Variants in SH3BP1 observed in about 807,000 individuals in gnomAD.
The protein encoded by SH3BP1 is SH3 domain-binding protein 1.
A neutral mutation model predicts 69.8 loss-of-function variants in SH3BP1; 46 were observed. The ratio of observed to expected loss-of-function variants is 0.66; its 90% CI spans 0.52 to 0.84. SH3BP1 has a LOEUF of 0.84. Ranked by LOEUF, SH3BP1 falls within the 40% of genes least tolerant of loss-of-function variation. The pLI is 0.00. For missense variants in SH3BP1, 868 were observed against 930.9 expected (o/e 0.93, Z 0.88); for synonymous variants, 403 against 378.0 (o/e 1.07, Z -0.77).
chr22:37,654,304 C>G (rs1932954296), intron 17 of SH3BP1, among the ~76,000 whole-genome samples: 1 of 152,136 alleles, frequency 6.6e-6, no homozygotes, highest in Admixed American at 6.5e-5. Flanking sequence ...GGCACAGTGG[C>G]TCACACATGT....
intron 10 of SH3BP1, among the ~76,000 whole-genome samples, chr22:37,645,724 G>A (rs1932775999): frequency 6.6e-6 from 1 of 152,164 alleles, no homozygotes; most frequent in Non-Finnish European, 1.5e-5. Flanking sequence ...TTGCATTCCA[G>A]GCTCCATTTC....
intron 15 of SH3BP1, 71 bp downstream of exon 15, chr22:37,650,320 C>A: frequency 6.5e-7 from 1 of 1,532,282 alleles, no homozygotes; most frequent in South Asian, 1.2e-5. Flanking sequence ...CCTGTAGCCC[C>A]ACAAACTCAC....
chr22:37,641,598 C>T lies in SH3BP1; in HGVS notation c.207+120C>T. On this transcript the variant is annotated intron_variant, in intron 3 of 17. Transcript: ENST00000649765. The stretch of plus-strand genomic sequence containing the variant: ...GTGTCTGGCACCAAGGGCATGGAGA[C>T]TGCTCTGTTCCAAGGCCCCTCTGGC... 5.0e-6 allele frequency: 4 copies of T among 807,900 alleles called. No homozygotes were observed. In the South Asian group the frequency reaches 5.3e-5, roughly 11 times the overall value. The allele number at this position is 807,900 out of a possible 1,614,324, so 50.0% of individuals were successfully genotyped here.
At chr22:37,642,280 G>A in intron 3 of SH3BP1, 1 of 499,752 alleles carries the variant, frequency 2.0e-6, no homozygotes, top group Non-Finnish European at 3.7e-6. Context: ...TTCCCAGTCT[G>A]CAGTAGGACT....
At chr22:37,653,438 G>GA (rs1169017247) in intron 16 of SH3BP1, among the ~76,000 whole-genome samples, 2 of 151,856 alleles carry the variant, frequency 1.3e-5, no homozygotes, top group South Asian at 2.1e-4. Context: ...TCCATCTCAA[G>GA]AAAAAAAACC....
At chr22:37,642,832 CA>C in intron 4 of SH3BP1, 62 bp from the exon 5 acceptor site, 1 of 1,592,274 alleles carries the variant, frequency 6.3e-7, no homozygotes, top group South Asian at 1.1e-5. Context: ...GAGGCCCCAC[CA>C]AGTGTTTCCA....
chr22:37,647,596 G>A, intron 13 of SH3BP1, 75 bp downstream of exon 13: 1 of 1,210,046 alleles, frequency 8.3e-7, no homozygotes. Context: ...GGGACCCTGG[G>A]CTTGAGCCTG....
chr22:37,647,312 C>T lies in SH3BP1; in HGVS notation c.1082C>T (p.Thr361Ile). 2 of 1,614,098 alleles carry T rather than the reference C, an allele frequency of 1.2e-6. No individual in the cohort carries two copies. The highest frequency in any genetic ancestry group is 1.7e-6 in the Non-Finnish European group (2 of 1,179,988). Residue 361 changes from threonine (T) to isoleucine (I), a missense_variant, in exon 12 of 18, where the codon ACC becomes ATC. By Grantham distance (89) the Thr-to-Ile change is moderately conservative. This residue lies in a region of SH3BP1 where 474 missense variants were observed against 462.3 expected (regional missense o/e 1.03). Transcript: ENST00000649765. Reference sequence around the variant, plus strand: ...CGGGAGCTGCCAGAGCCTCTGATGACCTTCGACCTCTATGATGACTGGATG... The same window carrying T: ...CGGGAGCTGCCAGAGCCTCTGATGATCTTCGACCTCTATGATGACTGGATG... ...YLRELPEPLM[T>I]FDLYDDWMRA...
At chr22:37,645,729 C>T (rs1932776099) in intron 10 of SH3BP1, among the ~76,000 whole-genome samples, 1 of 152,164 alleles carries the variant, frequency 6.6e-6, no homozygotes, top group Non-Finnish European at 1.5e-5. Context: ...TTCCAGGCTC[C>T]ATTTCACAAT....
At chr22:37,641,622 G>C (rs1403226349) in intron 3 of SH3BP1, 144 bp downstream of exon 3, 2 of 681,066 alleles carry the variant, frequency 2.9e-6, no homozygotes, top group Admixed American at 5.8e-5. Flanking sequence ...GGCCCCTCTG[G>C]CACTGCACTC....
At chr22:37,643,499 G>A in intron 6 of SH3BP1, 145 bp from the exon 7 acceptor site, 1 of 1,200,546 alleles carries the variant, frequency 8.3e-7, no homozygotes, top group Non-Finnish European at 1.2e-6. Flanking sequence ...TCATGGCCCA[G>A]CCTGGGCAGA....
At chr22:37,641,857 G>A in intron 3 of SH3BP1, 1 of 223,092 alleles carries the variant, frequency 4.5e-6, no homozygotes, top group South Asian at 6.6e-5. Context: ...TTTATTGGCT[G>A]ATAACCGCCA....
Position 37,655,715 on chromosome 22 carries a change from C to A in SH3BP1, c.*31C>A. The A allele has an allele frequency of 6.9e-7, 1 of 1,456,296 alleles. No individual in the cohort carries two copies. The highest frequency in any genetic ancestry group is 9.1e-7 in the Non-Finnish European group (1 of 1,103,654). 90.2% of individuals were successfully genotyped at this position (1,456,296 alleles called of 1,614,324 possible). A position where few individuals can be genotyped will look rare whatever the true frequency, so the allele number is the denominator to read the frequency against. ...TGGTTTCTCCCTAAGCAGCCCTCAG[C>A]ACCCCCTCCCTCCCCACCTGGCCCT... On this transcript the variant is annotated 3_prime_UTR_variant, in exon 18 of 18. Transcript: ENST00000649765.
At chr22:37,648,683 A>T in intron 14 of SH3BP1, 4 of 337,264 alleles carry the variant, frequency 1.2e-5, no homozygotes, top group East Asian at 5.0e-5. Context: ...GGGAGCTGGG[A>T]GCCCAGAGAT....
rs1181071593 is a variant in SH3BP1 at position 37,655,844 on chromosome 22, G to A, written c.*160G>A. ...CGGCCCCCATGGCCAGGAGGGCTCA[G>A]GACAATCCTCTATTTCCTGACCTTT... On this transcript the variant is annotated 3_prime_UTR_variant, in exon 18 of 18. Coordinates refer to ENST00000649765, the MANE Select transcript of SH3BP1 (RefSeq NM_018957.6). 1 of 1,508,878 alleles carries A rather than the reference G, an allele frequency of 6.6e-7. No individual in the cohort carries two copies. The highest frequency in any genetic ancestry group is 1.4e-5 in the African/African-American group (1 of 72,274). 93.5% of individuals were successfully genotyped at this position (1,508,878 alleles called of 1,614,324 possible). A position where few individuals can be genotyped will look rare whatever the true frequency, so the allele number is the denominator to read the frequency against.
chr22:37,643,061 T>A (rs1555888070), intron 5 of SH3BP1, 37 bp from the exon 6 acceptor site: 1 of 1,581,922 alleles, frequency 6.3e-7, no homozygotes, highest in Non-Finnish European at 8.7e-7. Flanking sequence ...GGCTCCCTCC[T>A]CCCCCAGCAC....
chr22:37,642,525 C>T lies in SH3BP1; in HGVS notation c.208-14C>T. The T allele has an allele frequency of 1.9e-6, 3 of 1,612,748 alleles. No homozygotes were observed. The highest frequency in any genetic ancestry group is 2.5e-6 in the Non-Finnish European group (3 of 1,179,782). ...AGGCACGGACACTCATCGCCGGCCCCACCCTCCCTGCAGAAGAAGCTTCCC... is the reference window on the plus strand; with the variant it reads ...AGGCACGGACACTCATCGCCGGCCCTACCCTCCCTGCAGAAGAAGCTTCCC... On this transcript the variant is annotated splice_polypyrimidine_tract_variant and intron_variant, in intron 3 of 17. Coordinates refer to ENST00000649765, the MANE Select transcript of SH3BP1 (RefSeq NM_018957.6).
At chr22:37,653,010 G>A (rs1391181441) in intron 16 of SH3BP1, among the ~76,000 whole-genome samples, 4 of 151,352 alleles carry the variant, frequency 2.6e-5, no homozygotes, top group East Asian at 1.9e-4. Flanking sequence ...GGTGGCGCAC[G>A]CCTGTAATCT....
intron 16 of SH3BP1, 136 bp downstream of exon 16, chr22:37,650,861 T>G: frequency 8.4e-7 from 1 of 1,197,318 alleles, no homozygotes; most frequent in Non-Finnish European, 1.1e-6. Context: ...CCGGATCTCC[T>G]AGTTTGGAGA....
Sources: gnomAD v4.1 joint callset for allele counts (sites outside exome capture counted in the v4.1 genomes callset) on GRCh38, gnomAD v4.1.1 for gene constraint, gnomAD v4.1.1 regional missense constraint, MANE v1.5 for transcripts, NCBI Gene and HGNC (gene_info 2026-07-23, HGNC 2026-07-21) for gene names.